Variants in C10orf67 observed in about 807,000 individuals in gnomAD.
C10orf67 encodes chromosome 10 open reading frame 67.
C10orf67 carries 60 observed loss-of-function variants against 35.6 expected under a neutral mutation model. The observed-to-expected ratio is 1.68, with a 90% confidence interval of 1.37 to 2.09. C10orf67 has a LOEUF of 2.09. Among genes scored for constraint, C10orf67 ranks in the 30% most tolerant of loss-of-function variants. The probability of loss-of-function intolerance (pLI) is 0.00; values close to 1 mark genes in which losing one functional copy is unlikely to be tolerated. For missense variants in C10orf67, 474 were observed against 330.2 expected (o/e 1.44, Z -3.38); for synonymous variants, 167 against 115.8 (o/e 1.44, Z -2.84).
Position 23,202,832 on chromosome 10 carries a change from A to G in C10orf67, c.*1341T>C, listed in dbSNP as rs1393713288. 2.0e-5 allele frequency: 3 copies of G among 152,214 alleles called. No homozygotes were observed. The highest frequency in any genetic ancestry group is 4.4e-5 in the Non-Finnish European group (3 of 68,040). 9.4% of individuals were successfully genotyped at this position (152,214 alleles called of 1,614,324 possible). The stretch of plus-strand genomic sequence containing the variant: ...CCAACCAGGAGGCTGCTTCCAAGGA[A>G]TTTCTGTCCAGGACGATGGCACAGA... On this transcript the variant is annotated 3_prime_UTR_variant, in exon 16 of 16. Coordinates refer to ENST00000636213, the MANE Select transcript of C10orf67 (RefSeq NM_001371909.1).
At chr10:23,225,952 A>G (rs1841727976) in intron 13 of C10orf67, among the ~76,000 whole-genome samples, 2 of 152,140 alleles carry the variant, frequency 1.3e-5, no homozygotes, top group Non-Finnish European at 2.9e-5. Flanking sequence ...TCAACAAGAG[A>G]CCTACAAAGA....
intron 7 of C10orf67, 70 bp downstream of exon 7, chr10:23,289,830 T>C (rs1433232199): frequency 5.7e-6 from 4 of 701,822 alleles, no homozygotes; most frequent in East Asian, 2.7e-5. Flanking sequence ...CTGGACACAG[T>C]GTTATTTGGC....
chr10:23,318,716 C>T, intron 4 of C10orf67: 1 of 590,060 alleles, frequency 1.7e-6, no homozygotes, highest in South Asian at 2.1e-5. Context: ...GGGATGTTTT[C>T]AGCTGCAAGT....
intron 15 of C10orf67, among the ~76,000 whole-genome samples, chr10:23,204,818 G>C (rs1245852549): frequency 2.0e-5 from 3 of 152,190 alleles, no homozygotes; most frequent in Non-Finnish European, 4.4e-5. Flanking sequence ...CTGTGGGGAG[G>C]AACATTTACC....
chr10:23,320,068 T>C (rs1844884228), intron 4 of C10orf67, among the ~76,000 whole-genome samples: 1 of 152,072 alleles, frequency 6.6e-6, no homozygotes, highest in Non-Finnish European at 1.5e-5. Context: ...CAGCAGAGAG[T>C]AACACACAGG....
At chr10:23,333,015 T>C in intron 2 of C10orf67, 47 bp downstream of exon 2, 1 of 1,584,972 alleles carries the variant, frequency 6.3e-7, no homozygotes, top group African/African-American at 1.3e-5. Flanking sequence ...TGAAGGCAAT[T>C]AACGCCAAAA....
chr10:23,226,433 T>C (rs370867418), intron 13 of C10orf67, among the ~76,000 whole-genome samples: 18 of 151,834 alleles, frequency 1.2e-4, no homozygotes, highest in South Asian at 2.1e-4. Flanking sequence ...GGGACACATT[T>C]AAAGCAGTGT....
chr10:23,260,774 G>C (rs377344862), intron 10 of C10orf67, among the ~76,000 whole-genome samples: 1 of 152,136 alleles, frequency 6.6e-6, no homozygotes, highest in Non-Finnish European at 1.5e-5. Context: ...TCAATCAGCT[G>C]TTTGGATGCT....
intron 10 of C10orf67, among the ~76,000 whole-genome samples, chr10:23,254,864 T>C (rs868098752): frequency 2.0e-5 from 3 of 152,172 alleles, no homozygotes; most frequent in Admixed American, 2.0e-4. Context: ...TATGAAACTT[T>C]AGTCATTTTC....
At position 23,239,718 on chromosome 10, in the gene C10orf67, C is replaced by A. The variant is rs1842132415; in HGVS notation, c.1434+11G>T. 1.6e-6 allele frequency: 1 copy of A among 644,400 alleles called. No homozygotes were observed. The highest frequency in any genetic ancestry group is 3.0e-6 in the Non-Finnish European group (1 of 332,774). The allele number at this position is 644,400 out of a possible 1,614,324, so 39.9% of individuals were successfully genotyped here. On this transcript the variant is annotated intron_variant, in intron 13 of 15. Transcript: ENST00000636213. The stretch of plus-strand genomic sequence containing the variant: ...AGAGACAAACAGCATCTAAACATTA[C>A]ATGCACTTACAATATAATTGAAGGA...
chr10:23,323,054 T>C (rs1845019718), intron 2 of C10orf67, among the ~76,000 whole-genome samples: 1 of 152,118 alleles, frequency 6.6e-6, no homozygotes, highest in South Asian at 2.1e-4. Context: ...AAAGTGACAA[T>C]TAATTTGCCA....
At chr10:23,343,638 T>C (rs1034169217) in intron 1 of C10orf67, among the ~76,000 whole-genome samples, 1 of 152,182 alleles carries the variant, frequency 6.6e-6, no homozygotes, top group African/African-American at 2.4e-5. Context: ...CACAGAGCAG[T>C]CAGTCGCCTA....
At chr10:23,344,529 G>T in intron 1 of C10orf67, 40 bp downstream of exon 1, 8 of 1,540,566 alleles carry the variant, frequency 5.2e-6, no homozygotes, top group Non-Finnish European at 7.0e-6. Context: ...CCTGGACCCT[G>T]CTCGCTTCCT....
At chr10:23,263,940 C>T (rs1211804013) in intron 10 of C10orf67, among the ~76,000 whole-genome samples, 1 of 152,186 alleles carries the variant, frequency 6.6e-6, no homozygotes. Flanking sequence ...GCTAAACACT[C>T]AGTTTATCAC....
intron 4 of C10orf67, among the ~76,000 whole-genome samples, chr10:23,315,842 A>G (rs867274873): frequency 1.6e-4 from 25 of 152,112 alleles, no homozygotes; most frequent in Middle Eastern, 6.8e-3. Context: ...TTTTAGAGAC[A>G]GGGTCATGCT....
intron 2 of C10orf67, among the ~76,000 whole-genome samples, chr10:23,331,192 A>ACCAGGAG: frequency 1.1e-5 from 1 of 91,248 alleles, no homozygotes; most frequent in Non-Finnish European, 2.2e-5. Context: ...AGGGAAGGGA[A>ACCAGGAG]GGGAAGGGAA....
intron 15 of C10orf67, among the ~76,000 whole-genome samples, chr10:23,216,238 A>G (rs768862079): frequency 3.0e-4 from 45 of 152,230 alleles, no homozygotes; most frequent in Admixed American, 2.0e-3. Context: ...AGAAGAGGAA[A>G]CTAAAATGGT....
At chr10:23,223,683 T>C in intron 14 of C10orf67, 25 bp from the exon 15 acceptor site, 1 of 717,288 alleles carries the variant, frequency 1.4e-6, no homozygotes, top group African/African-American at 1.7e-5. Context: ...AAACTTTTCA[T>C]TACTTAAGTT....
At chr10:23,336,811 C>T (rs1845702536) in intron 1 of C10orf67, among the ~76,000 whole-genome samples, 1 of 152,082 alleles carries the variant, frequency 6.6e-6, no homozygotes, top group South Asian at 2.1e-4. Context: ...CCGCACCTGG[C>T]CCTAGATGTT....
Sources: allele counts gnomAD v4.1 joint callset (sites outside exome capture counted in the v4.1 genomes callset), GRCh38; gene constraint gnomAD v4.1.1; transcripts MANE v1.5; gene names NCBI Gene and HGNC (gene_info 2026-07-23, HGNC 2026-07-21).